Variants in ATP4A observed in about 807,000 individuals in gnomAD.
ATP4A encodes the protein ATPase H+/K+ transporting subunit alpha.
ATP4A carries 73 observed loss-of-function variants against 112.1 expected under a neutral mutation model. The ratio of observed to expected loss-of-function variants is 0.65; its 90% CI spans 0.54 to 0.79. The LOEUF (loss-of-function observed/expected upper bound fraction) is 0.79. Ranked by LOEUF, ATP4A falls within the 30% of genes least tolerant of loss-of-function variation. The pLI is 0.00. For missense variants in ATP4A, 1,081 were observed against 1,425.9 expected (o/e 0.76, Z 3.90); for synonymous variants, 588 against 588.9 (o/e 1.00, Z 0.02).
chr19:35,559,387 C>G lies in ATP4A; in HGVS notation c.1057-196G>C, dbSNP rs932387885. On this transcript the variant is annotated intron_variant, in intron 7 of 21. Transcript: ENST00000262623. The surrounding 1 kb of genome is among the most constrained non-coding windows in gnomAD (Gnocchi z 4.1). ...GTTTGGGACTCCTTCCCCAGTCTGC[C>G]CAGATACAGTAGCGAGGCCCCTCTC... Among the ~76,000 whole-genome samples, 6 of 152,220 alleles carry G rather than the reference C, an allele frequency of 3.9e-5. 1 individual carries two copies. The highest frequency in any genetic ancestry group is 3.9e-4 in the Admixed American group (6 of 15,284).
intron 16 of ATP4A, among the ~76,000 whole-genome samples, chr19:35,554,276 A>G (rs544183750): frequency 2.0e-5 from 3 of 151,780 alleles, no homozygotes; most frequent in African/African-American, 7.3e-5. Flanking sequence ...GGGACCTGTG[A>G]CTGCTCAAGC....
chr19:35,558,886 G>A lies in ATP4A; in HGVS notation c.1255+107C>T. On this transcript the variant is annotated intron_variant, in intron 8 of 21. Transcript: ENST00000262623. The surrounding 1 kb of genome is among the most constrained non-coding windows in gnomAD (Gnocchi z 5.1). ...CGAGTCTCCTTTGAGACCTGGAGCC[G>A]AGCCGCCCCGCCTTCGTACAAAGCC... 3 of 1,429,420 alleles carry A rather than the reference G, an allele frequency of 2.1e-6. No homozygotes were observed. The highest frequency in any genetic ancestry group is 1.3e-5 in the South Asian group (1 of 79,336). 88.5% of individuals were successfully genotyped at this position (1,429,420 alleles called of 1,614,324 possible).
In ATP4A at chr19:35,557,543, T is replaced by C; in HGVS notation, c.1693+112A>G. 7.7e-7 allele frequency: 1 copy of C among 1,304,348 alleles called. No homozygotes were observed. The highest frequency in any genetic ancestry group is 1.5e-5 in the African/African-American group (1 of 67,472). The allele number at this position is 1,304,348 out of a possible 1,614,324, so 80.8% of individuals were successfully genotyped here. On this transcript the variant is annotated intron_variant, in intron 11 of 21. Transcript: ENST00000262623. This position sits in a 1 kb window ranked among gnomAD's most constrained non-coding sequence, Gnocchi z 4.4. Reference sequence around the variant, plus strand: ...GGGTGAGGCTGTGGACTGCGACAAATCAGCCAGCAGCCAGGGATGAGGACG... The same window carrying C: ...GGGTGAGGCTGTGGACTGCGACAAACCAGCCAGCAGCCAGGGATGAGGACG...
rs138327542 is a variant in ATP4A, at chr19:35,556,992, G to C, written c.1790C>G (p.Ala597Gly). Residue 597 changes from alanine to glycine, a missense_variant, in exon 12 of 22, where the codon GCG (alanine) becomes GGG (glycine). Transcript: ENST00000262623. ...TGGGTCAATCATGGATACAAGTCCC[G>C]CAAAGCAGAGGCCGCTAGATGGAAA... ...MNFPSSGLCF[A>G]GLVSMIDPPR... 6.2e-7 allele frequency: 1 copy of C among 1,614,190 alleles called. No homozygotes were observed. The highest frequency in any genetic ancestry group is 1.7e-5 in the Admixed American group (1 of 60,028).
rs2146309919 is a variant in ATP4A at position 35,558,263 on chromosome 19, G to T, written c.1500+99C>A. The T allele has an allele frequency of 2.8e-6, 4 of 1,425,870 alleles. No homozygotes were observed. Among genetic ancestry groups the T allele is most frequent in the East Asian group, 4.9e-5 (2 of 40,418 alleles). The allele number at this position is 1,425,870 out of a possible 1,614,324, so 88.3% of individuals were successfully genotyped here. ...TGGGGTTTGGCTGCGGAGAGAAGGG[G>T]CAAGGAGCGAAGCCCCTCGTGGCCC... On this transcript the variant is annotated intron_variant, in intron 10 of 21. Coordinates refer to ENST00000262623, the MANE Select transcript of ATP4A (RefSeq NM_000704.3). The surrounding 1 kb of genome is among the most constrained non-coding windows in gnomAD (Gnocchi z 5.1).
rs1390936540 is a variant in ATP4A at position 35,557,102 on chromosome 19, G to A, written c.1694-14C>T. ...GCTGGCAGAAGCCTGACCGGAAACG[G>A]GGAAGTCAGGGAAGAGCCCTGGGCA... On this transcript the variant is annotated splice_polypyrimidine_tract_variant and intron_variant, in intron 11 of 21. Coordinates refer to ENST00000262623, the MANE Select transcript of ATP4A (RefSeq NM_000704.3). This position sits in a 1 kb window ranked among gnomAD's most constrained non-coding sequence, Gnocchi z 4.4. The A allele has an allele frequency of 1.3e-5, 21 of 1,613,786 alleles. No individual in the cohort carries two copies. Among genetic ancestry groups the A allele is most frequent in the Non-Finnish European group, 1.8e-5 (21 of 1,179,932 alleles).
Position 35,559,273 on chromosome 19 carries a change from T to A in ATP4A, c.1057-82A>T. 2.8e-6 allele frequency: 4 copies of A among 1,449,550 alleles called. No individual in the cohort carries two copies. Among genetic ancestry groups the A allele is most frequent in the Non-Finnish European group, 3.8e-6 (4 of 1,045,570 alleles). The allele number at this position is 1,449,550 out of a possible 1,614,324, so 89.8% of individuals were successfully genotyped here. ...CCCCGCGTCAAAGAACGGGGAAGGC[T>A]TTACCCCAGCCGCGGGGCTGCGTGT... is the stretch of plus-strand genomic sequence containing the variant. On this transcript the variant is annotated intron_variant, in intron 7 of 21. Coordinates refer to ENST00000262623, the MANE Select transcript of ATP4A (RefSeq NM_000704.3). This position sits in a 1 kb window ranked among gnomAD's most constrained non-coding sequence, Gnocchi z 4.1.
chr19:35,560,859 C>T lies in ATP4A; in HGVS notation c.494G>A (p.Ser165Asn), dbSNP rs753188424. 1.2e-6 allele frequency: 2 copies of T among 1,613,864 alleles called. No homozygotes were observed. The highest frequency in any genetic ancestry group is 1.7e-5 in the Admixed American group (1 of 59,988). The change falls in exon 5 of 22, where the codon AGC (serine) becomes AAC (asparagine). Residue 165 changes from serine (S) to asparagine (N), a missense_variant. Ser to Asn is a conservative substitution (Grantham distance 46). Coordinates refer to ENST00000262623, the MANE Select transcript of ATP4A (RefSeq NM_000704.3). This position sits in a 1 kb window ranked among gnomAD's most constrained non-coding sequence, Gnocchi z 5.1. ...CTTAAAGCTGGCGATGATGTTGGTG[C>T]TCTTGAATTCCTGGTAGTAGCCAAA... is the stretch of plus-strand genomic sequence containing the variant. Reference protein sequence around the residue: ...GCFGYYQEFKSTNIIASFKNL... With the variant: ...GCFGYYQEFKNTNIIASFKNL...
chr19:35,557,594 G>A lies in ATP4A; in HGVS notation c.1693+61C>T. ...GTCAGGGCTGGGCCGGGAGTGGTGG[G>A]CAGGGTCTGTGCTAGCTCCTCCTCG... On this transcript the variant is annotated intron_variant, in intron 11 of 21. Transcript: ENST00000262623. The surrounding 1 kb of genome is among the most constrained non-coding windows in gnomAD (Gnocchi z 4.4). 1 of 1,511,606 alleles carries A rather than the reference G, an allele frequency of 6.6e-7. No homozygotes were observed. The highest frequency in any genetic ancestry group is 8.9e-7 in the Non-Finnish European group (1 of 1,121,324). 93.6% of individuals were successfully genotyped at this position (1,511,606 alleles called of 1,614,324 possible).
Position 35,560,233 on chromosome 19 carries a change from G to T in ATP4A, c.787+130C>A. On this transcript the variant is annotated intron_variant, in intron 6 of 21. Coordinates refer to ENST00000262623, the MANE Select transcript of ATP4A (RefSeq NM_000704.3). This position sits in a 1 kb window ranked among gnomAD's most constrained non-coding sequence, Gnocchi z 5.1. Reference sequence around the variant, plus strand: ...AGAAGCAGTGTGCCCTGGGGAGGTGGCAGTCACGGGGAGGTGGCAGTCATG... The same window carrying T: ...AGAAGCAGTGTGCCCTGGGGAGGTGTCAGTCACGGGGAGGTGGCAGTCATG... The T allele has an allele frequency of 2.6e-6, 4 of 1,526,106 alleles. No individual in the cohort carries two copies. Among genetic ancestry groups the T allele is most frequent in the South Asian group, 1.2e-5 (1 of 81,070 alleles). The allele number at this position is 1,526,106 out of a possible 1,614,324, so 94.5% of individuals were successfully genotyped here.
chr19:35,553,980 C>G, intron 16 of ATP4A, 151 bp from the exon 17 acceptor site: 1 of 1,153,082 alleles, frequency 8.7e-7, no homozygotes. Flanking sequence ...CCAGCCTGGA[C>G]AGCCTGGGCC....
chr19:35,557,506 A>T lies in ATP4A; in HGVS notation c.1693+149T>A, dbSNP rs534420568. The T allele has an allele frequency of 2.1e-6, 2 of 968,696 alleles. No individual in the cohort carries two copies. The highest frequency in any genetic ancestry group is 5.4e-5 in the Admixed American group (2 of 37,014). The allele number at this position is 968,696 out of a possible 1,614,324, so 60.0% of individuals were successfully genotyped here. ...GACAGACAGGGGTCAGGACTGGTACAGGGAAAGTCAAGGGTGAGGCTGTGG... is the reference window on the plus strand; with the variant it reads ...GACAGACAGGGGTCAGGACTGGTACTGGGAAAGTCAAGGGTGAGGCTGTGG... On this transcript the variant is annotated intron_variant, in intron 11 of 21. Transcript: ENST00000262623. This position sits in a 1 kb window ranked among gnomAD's most constrained non-coding sequence, Gnocchi z 4.4.
Position 35,560,653 on chromosome 19 carries a change from G to T in ATP4A, c.535-38C>A, listed in dbSNP as rs2071665146. On this transcript the variant is annotated intron_variant, in intron 5 of 21. Transcript: ENST00000262623. This position sits in a 1 kb window ranked among gnomAD's most constrained non-coding sequence, Gnocchi z 5.1. The stretch of plus-strand genomic sequence containing the variant: ...GGCACCAAAGTTGAGGTGGACGGGG[G>T]TGGGGGTGGGAGCTGCTGCATGTGG... The T allele has an allele frequency of 5.1e-6, 8 of 1,566,722 alleles. No individual in the cohort carries two copies. Among genetic ancestry groups the T allele is most frequent in the African/African-American group, 1.4e-5 (1 of 74,036 alleles).
In ATP4A at chr19:35,553,741, T is replaced by C. The variant is rs551864571; in HGVS notation, c.2570A>G (p.Asn857Ser). Reference sequence around the variant, plus strand: ...GTAGGAGTAGGCAGCCAGGGGCTCGTTGACCAATCTGTCACGCTTTGGGTT... The same window carrying C: ...GTAGGAGTAGGCAGCCAGGGGCTCGCTGACCAATCTGTCACGCTTTGGGTT... ...PRNPKRDRLV[N>S]EPLAAYSYFQ... is the part of the protein sequence containing the mutation. The change falls in exon 17 of 22, where the codon AAC becomes AGC. Residue 857 changes from asparagine (N) to serine (S), a missense_variant. Transcript: ENST00000262623. 1 of 1,613,528 alleles carries C rather than the reference T, an allele frequency of 6.2e-7. No individual in the cohort carries two copies. Among genetic ancestry groups the C allele is most frequent in the African/African-American group, 1.3e-5 (1 of 75,052 alleles).
At position 35,557,895 on chromosome 19, in the gene ATP4A, G is replaced by A. The variant is rs1185677926; in HGVS notation, c.1501-48C>T. 7 of 1,253,498 alleles carry A rather than the reference G, an allele frequency of 5.6e-6. No homozygotes were observed. Among genetic ancestry groups the A allele is most frequent in the Non-Finnish European group, 6.4e-6 (6 of 940,232 alleles). 77.6% of individuals were successfully genotyped at this position (1,253,498 alleles called of 1,614,324 possible). On this transcript the variant is annotated intron_variant, in intron 10 of 21. Transcript: ENST00000262623. This position sits in a 1 kb window ranked among gnomAD's most constrained non-coding sequence, Gnocchi z 4.4. ...AGGCTGTGGACGGGGGAACGGGGCGGGGCTGTGGACGAGGGAACGGGGCGG... is the reference window on the plus strand; with the variant it reads ...AGGCTGTGGACGGGGGAACGGGGCGAGGCTGTGGACGAGGGAACGGGGCGG...
chr19:35,550,438 G>T lies in ATP4A; in HGVS notation c.*177C>A. ...CCAGGAGGTGCGAACCTTGGGAATG[G>T]GGGAGGGGAGTGGGCAGGTCCCTCC... On this transcript the variant is annotated 3_prime_UTR_variant, in exon 22 of 22. Transcript: ENST00000262623. The surrounding 1 kb of genome is among the most constrained non-coding windows in gnomAD (Gnocchi z 4.1). 1.3e-6 allele frequency: 1 copy of T among 777,620 alleles called. No individual in the cohort carries two copies. Among genetic ancestry groups the T allele is most frequent in the Non-Finnish European group, 2.0e-6 (1 of 488,400 alleles). 48.2% of individuals were successfully genotyped at this position (777,620 alleles called of 1,614,324 possible).
In ATP4A at chr19:35,553,043, C is replaced by G; in HGVS notation, c.2745G>C (p.Gln915His). 6.3e-7 allele frequency: 1 copy of G among 1,599,636 alleles called. No homozygotes were observed. The change falls in exon 18 of 22, where the codon CAG (glutamine) becomes CAC (histidine). Residue 915 changes from glutamine (Q) to histidine (H), a missense_variant. Transcript: ENST00000262623. ...GGGGCGGGGCAGGGCTCACCCACTC[C>G]TGGCCGTAGCTGTCCTGCAGATCTT... is the stretch of plus-strand genomic sequence containing the variant. ...HLQDLQDSYG[Q>H]EWTFGQRLYQ... is the part of the protein sequence containing the mutation.
chr19:35,555,641 T>TGG lies in ATP4A; in HGVS notation c.2006+33_2006+34dup. The TGG allele has an allele frequency of 6.3e-7, 1 of 1,586,560 alleles. No homozygotes were observed. Among genetic ancestry groups the TGG allele is most frequent in the African/African-American group, 1.3e-5 (1 of 74,660 alleles). ...CTGGGACCTCGGTCTGTGCCAGATG[T>TGG]GGGGAGAACCCCGGGGAGGTCTGGG... On this transcript the variant is annotated intron_variant, in intron 13 of 21. Coordinates refer to ENST00000262623, the MANE Select transcript of ATP4A (RefSeq NM_000704.3). This position sits in a 1 kb window ranked among gnomAD's most constrained non-coding sequence, Gnocchi z 6.6.
At chr19:35,554,871 G>GC in intron 16 of ATP4A, 51 bp downstream of exon 16, 2 of 1,610,700 alleles carry the variant, frequency 1.2e-6, no homozygotes, top group Non-Finnish European at 1.7e-6. Flanking sequence ...CCATCTGCAA[G>GC]CAAGTGTCTC....
Sources: allele counts gnomAD v4.1 joint callset (sites outside exome capture counted in the v4.1 genomes callset), GRCh38; gene constraint gnomAD v4.1.1; non-coding constraint Gnocchi (gnomAD v3.1); transcripts MANE v1.5; gene names NCBI Gene and HGNC (gene_info 2026-07-23, HGNC 2026-07-21).